The following CEP112 variants were observed in gnomAD, a reference collection of about 807,000 sequenced individuals.
CEP112 encodes centrosomal protein of 112 kDa.
CEP112 carries 127 observed loss-of-function variants against 153.0 expected under a neutral mutation model. The ratio of observed to expected loss-of-function variants is 0.83; its 90% CI spans 0.72 to 0.96. The LOEUF is 0.96. Among genes scored for constraint, CEP112 ranks in the 40% least tolerant of loss-of-function variants. The pLI is 0.00. For synonymous variants in CEP112, 358 were observed against 374.4 expected (o/e 0.96, Z 0.51); for missense variants, 1,089 against 1,101.2 (o/e 0.99, Z 0.16).
intron 21 of CEP112, among the ~76,000 whole-genome samples, chr17:65,815,747 ATGT>A (rs1288167705): frequency 6.6e-6 from 1 of 152,102 alleles, no homozygotes; most frequent in Non-Finnish European, 1.5e-5. Context: ...ATTTGTGATG[ATGT>A]TGTAAATGGC....
chr17:66,086,887 G>A (rs907327511), intron 8 of CEP112, among the ~76,000 whole-genome samples: 4 of 151,808 alleles, frequency 2.6e-5, no homozygotes, highest in African/African-American at 9.7e-5. Flanking sequence ...TTTATAATCA[G>A]ACATGCTACT....
chr17:65,653,310 C>G (rs1463933814), intron 24 of CEP112, among the ~76,000 whole-genome samples: 3 of 152,228 alleles, frequency 2.0e-5, no homozygotes, highest in Admixed American at 2.0e-4. Context: ...CTCTTTCCAT[C>G]TGGATTTCCA....
Position 65,858,703 on chromosome 17 carries a change from G to A in CEP112, c.2164-6669C>T, listed in dbSNP as rs140747882. Among the ~76,000 whole-genome samples, 546 of 152,056 alleles carry A rather than the reference G, an allele frequency of 3.6e-3. 2 individuals are homozygous for A. Among genetic ancestry groups the A allele is most frequent in the African/African-American group, 0.013 (521 of 41,474 alleles). ...TTGCCTACTTCATTAACAATTAACC[G>A]TTTAAAAATAAATGGCAGGTTAAGT... On this transcript the variant is annotated intron_variant, in intron 20 of 26. Coordinates refer to ENST00000535342, the MANE Select transcript of CEP112 (RefSeq NM_001199165.4).
At chr17:65,994,115 G>A (rs989027297) in intron 17 of CEP112, among the ~76,000 whole-genome samples, 5 of 151,806 alleles carry the variant, frequency 3.3e-5, no homozygotes, top group African/African-American at 7.3e-5. Context: ...TGGCCAATAC[G>A]GCTTGTGGCT....
intron 4 of CEP112, among the ~76,000 whole-genome samples, chr17:66,140,147 C>T (rs528212899): frequency 2.6e-5 from 4 of 152,180 alleles, no homozygotes; most frequent in African/African-American, 9.6e-5. Context: ...AAATGCGATA[C>T]CCCACATTAA....
intron 6 of CEP112, among the ~76,000 whole-genome samples, chr17:66,098,734 C>T (rs2068445738): frequency 6.6e-6 from 1 of 152,142 alleles, no homozygotes; most frequent in Admixed American, 6.5e-5. Flanking sequence ...CCCCATCCTC[C>T]AAAGACACAT....
chr17:65,891,515 G>A (rs542159931), intron 20 of CEP112, among the ~76,000 whole-genome samples: 11 of 152,138 alleles, frequency 7.2e-5, no homozygotes, highest in African/African-American at 1.7e-4. Flanking sequence ...GGAGTTACTC[G>A]TACTTCTTCT....
intron 18 of CEP112, among the ~76,000 whole-genome samples, chr17:65,950,484 A>G (rs574827897): frequency 6.6e-6 from 1 of 151,878 alleles, no homozygotes; most frequent in Non-Finnish European, 1.5e-5. Flanking sequence ...ATTCTTTTCG[A>G]CGTTATTATG....
At chr17:65,647,049 C>T (rs2047295749) in intron 24 of CEP112, among the ~76,000 whole-genome samples, 1 of 152,156 alleles carries the variant, frequency 6.6e-6, no homozygotes, top group Non-Finnish European at 1.5e-5. Context: ...TTCACAAATT[C>T]CCCAAAGAAG....
intron 6 of CEP112, among the ~76,000 whole-genome samples, chr17:66,123,894 A>C (rs1395648632): frequency 6.6e-6 from 1 of 152,206 alleles, no homozygotes; most frequent in African/African-American, 2.4e-5. Flanking sequence ...AAAAATTATT[A>C]TCTTAATCAT....
intron 17 of CEP112, among the ~76,000 whole-genome samples, chr17:65,975,826 C>T (rs2063013009): frequency 6.6e-6 from 1 of 152,006 alleles, no homozygotes; most frequent in Non-Finnish European, 1.5e-5. Flanking sequence ...AATGACATGG[C>T]AAAAGCATAA....
At chr17:65,646,587 T>C (rs1450379566) in intron 24 of CEP112, among the ~76,000 whole-genome samples, 1 of 152,358 alleles carries the variant, frequency 6.6e-6, no homozygotes, top group Non-Finnish European at 1.5e-5. Context: ...TTAATCCTTC[T>C]GATGACCCAA....
intron 18 of CEP112, among the ~76,000 whole-genome samples, chr17:65,948,031 A>T (rs142206689): frequency 2.0e-5 from 3 of 152,300 alleles, no homozygotes; most frequent in Admixed American, 1.3e-4. Flanking sequence ...ACATAATGAC[A>T]CAAACATATC....
chr17:65,645,973 TG>T (rs2045407136), intron 24 of CEP112, among the ~76,000 whole-genome samples: 1 of 152,198 alleles, frequency 6.6e-6, no homozygotes, highest in African/African-American at 2.4e-5. Flanking sequence ...TCATTTGCTC[TG>T]GGGGCCTATG....
chr17:65,891,455 T>A (rs2143182482), intron 20 of CEP112, among the ~76,000 whole-genome samples: 1 of 152,202 alleles, frequency 6.6e-6, no homozygotes, highest in East Asian at 1.9e-4. Flanking sequence ...CCGGCAATCT[T>A]CCTCGTATTT....
chr17:65,929,362 T>G (rs770945728), intron 18 of CEP112, among the ~76,000 whole-genome samples: 1 of 152,208 alleles, frequency 6.6e-6, no homozygotes, highest in African/African-American at 2.4e-5. Flanking sequence ...TCCACCTACC[T>G]GCTGCCCAGG....
chr17:65,689,970 A>G (rs2048015648), intron 23 of CEP112, among the ~76,000 whole-genome samples: 1 of 152,180 alleles, frequency 6.6e-6, no homozygotes, highest in Admixed American at 6.5e-5. Context: ...ATGGAAAGTT[A>G]CAGTGAGCAG....
At chr17:65,826,409 C>T (rs2056842827) in intron 21 of CEP112, 2 of 1,573,972 alleles carry the variant, frequency 1.3e-6, no homozygotes, top group Non-Finnish European at 8.5e-7. Flanking sequence ...AGCCTCCCTC[C>T]CCTGATAGAA....
At chr17:65,646,860 C>A (rs1299526924) in intron 24 of CEP112, among the ~76,000 whole-genome samples, 1 of 152,180 alleles carries the variant, frequency 6.6e-6, no homozygotes, top group Non-Finnish European at 1.5e-5. Context: ...AGACATCCAT[C>A]TAGTCAGCGA....
Sources: gnomAD v4.1 joint callset for allele counts (sites outside exome capture counted in the v4.1 genomes callset) on GRCh38, gnomAD v4.1.1 for gene constraint, MANE v1.5 for transcripts, NCBI Gene and HGNC (gene_info 2026-07-23, HGNC 2026-07-21) for gene names.